The following PHACTR3 variants were observed in gnomAD, a reference collection of about 807,000 sequenced individuals.
PHACTR3 encodes the protein protein phosphatase 1, regulatory subunit 123.
Under a neutral mutation model 66.8 loss-of-function variants are expected in PHACTR3, and 16 were observed. That is an observed-to-expected ratio of 0.24 (90% CI 0.16 to 0.36). PHACTR3 has a LOEUF of 0.36. Among genes scored for constraint, PHACTR3 ranks in the 10% least tolerant of loss-of-function variants. The pLI is 1.00. For synonymous variants in PHACTR3, 323 were observed against 292.1 expected (o/e 1.11, Z -1.08); for missense variants, 647 against 719.9 (o/e 0.90, Z 1.16).
Position 59,592,637 on chromosome 20 carries a change from T to C in PHACTR3, c.109+15020T>C, listed in dbSNP as rs568615011. Among the ~76,000 whole-genome samples, 5 of 152,348 alleles carry C rather than the reference T, an allele frequency of 3.3e-5. No individual in the cohort carries two copies. The East Asian group carries it at 9.6e-4, about 29-fold the overall frequency. ...ACTGCCCTACAAATCCTCTGTGCTC[T>C]GCCTAGTCATTCCTCTCTTCCTTCT... is the stretch of plus-strand genomic sequence containing the variant. On this transcript the variant is annotated intron_variant, in intron 1 of 12. Transcript: ENST00000359926.
intron 7 of PHACTR3, among the ~76,000 whole-genome samples, chr20:59,789,800 C>A (rs548980416): frequency 3.3e-5 from 5 of 152,300 alleles, no homozygotes; most frequent in Non-Finnish European, 7.4e-5. Flanking sequence ...GGAATCCCTG[C>A]CACCCTCCTC....
chr20:59,645,486 C>T (rs531884035), intron 1 of PHACTR3, among the ~76,000 whole-genome samples: 2 of 152,260 alleles, frequency 1.3e-5, no homozygotes, highest in Non-Finnish European at 2.9e-5. Context: ...GTGTGTCCGC[C>T]CCACACTGCC....
chr20:59,578,220 C>A (rs949417124), intron 1 of PHACTR3, among the ~76,000 whole-genome samples: 3 of 152,196 alleles, frequency 2.0e-5, no homozygotes, highest in African/African-American at 7.2e-5. Context: ...GGCCAGGGCC[C>A]CAGCTGGGCC....
Position 59,767,176 on chromosome 20 carries a change from T to C in PHACTR3, c.542-10T>C. 6.2e-7 allele frequency: 1 copy of C among 1,614,196 alleles called. No homozygotes were observed. Among genetic ancestry groups the C allele is most frequent in the Non-Finnish European group, 8.5e-7 (1 of 1,180,008 alleles). Reference sequence around the variant, plus strand: ...CATGTTTTTAACTCTCTGCTTTGCCTTTGAACCAGCCAAGATGCCTTCTGC... The same window carrying C: ...CATGTTTTTAACTCTCTGCTTTGCCCTTGAACCAGCCAAGATGCCTTCTGC... On this transcript the variant is annotated splice_polypyrimidine_tract_variant and intron_variant, in intron 4 of 12. Transcript: ENST00000371015.
chr20:59,835,354 C>A (rs548022367), intron 8 of PHACTR3, among the ~76,000 whole-genome samples: 1 of 152,230 alleles, frequency 6.6e-6, no homozygotes, highest in South Asian at 2.1e-4. Context: ...GAAGACAAAG[C>A]CCCCAGGGGA....
chr20:59,642,765 C>T (rs778147783), intron 1 of PHACTR3, among the ~76,000 whole-genome samples: 17 of 152,098 alleles, frequency 1.1e-4, no homozygotes, highest in African/African-American at 1.9e-4. Context: ...AGCTGGAACC[C>T]GGGGCAGAAG....
chr20:59,825,263 TGGA>T lies in PHACTR3; in HGVS notation c.1329-11239_1329-11237del, dbSNP rs1412864995. 2.0e-5 allele frequency among the ~76,000 whole-genome samples: 3 copies of T among 152,312 alleles called. No individual in the cohort carries two copies. In the South Asian group the frequency reaches 6.2e-4, roughly 32 times the overall value. On this transcript the variant is annotated intron_variant, in intron 8 of 12. Transcript: ENST00000371015. ...GACTGTGGTGTCTCTTTCACAGGCTTGGAGGGTGGCTTGCCCAAGGTTGCCTTG... is the reference window on the plus strand; with the variant it reads ...GACTGTGGTGTCTCTTTCACAGGCTTGGGTGGCTTGCCCAAGGTTGCCTTG...
chr20:59,596,000 C>T lies in PHACTR3; in HGVS notation c.109+18383C>T, dbSNP rs4629218. Among the ~76,000 whole-genome samples the T allele has an allele frequency of 6.3e-3, 954 of 152,286 alleles. 12 individuals are homozygous for T. The highest frequency in any genetic ancestry group is 0.021 in the African/African-American group (891 of 41,546). ...CACCAAGTGAACACACCTCTGTAGG[C>T]AGAACGCAGTTCAAGAAGCAGAATA... On this transcript the variant is annotated intron_variant, in intron 1 of 12. Transcript: ENST00000359926.
intron 1 of PHACTR3, among the ~76,000 whole-genome samples, chr20:59,591,520 A>T (rs965245287): frequency 6.6e-6 from 1 of 152,170 alleles, no homozygotes; most frequent in African/African-American, 2.4e-5. Context: ...GAGGTGGACC[A>T]GGGACCGCTT....
At chr20:59,676,982 G>A (rs2036471537) in intron 1 of PHACTR3, among the ~76,000 whole-genome samples, 1 of 151,514 alleles carries the variant, frequency 6.6e-6, no homozygotes, top group African/African-American at 2.4e-5. Context: ...TCATTTTTAT[G>A]TATCAAGGGA....
intron 8 of PHACTR3, among the ~76,000 whole-genome samples, chr20:59,811,702 G>T (rs1052544514): frequency 1.3e-5 from 2 of 150,922 alleles, no homozygotes; most frequent in African/African-American, 4.9e-5. Flanking sequence ...GCATGGAGCA[G>T]TGGGGGGTTG....
chr20:59,715,576 C>T (rs1312498568), intron 1 of PHACTR3, among the ~76,000 whole-genome samples: 3 of 152,202 alleles, frequency 2.0e-5, no homozygotes, highest in Non-Finnish European at 2.9e-5. Flanking sequence ...ATAGGCCTGT[C>T]ATTTTCATTT....
chr20:59,678,300 T>C (rs978892961), intron 1 of PHACTR3, among the ~76,000 whole-genome samples: 2 of 152,166 alleles, frequency 1.3e-5, no homozygotes, highest in African/African-American at 4.8e-5. Flanking sequence ...GGGGTGACTG[T>C]TCATATCGTG....
intron 1 of PHACTR3, among the ~76,000 whole-genome samples, chr20:59,613,066 C>T (rs1466648733): frequency 1.3e-5 from 2 of 152,156 alleles, no homozygotes; most frequent in South Asian, 2.1e-4. Flanking sequence ...TCAAACACCT[C>T]CCACCCAGCC....
rs77124037 is a variant in PHACTR3, at chr20:59,787,589, G to A, written c.1174+13099G>A. Among the ~76,000 whole-genome samples, 623 of 152,264 alleles carry A rather than the reference G, an allele frequency of 4.1e-3. 2 individuals carry two copies. The highest frequency in any genetic ancestry group is 0.014 in the African/African-American group (594 of 41,548). Reference sequence around the variant, plus strand: ...GGCTGTTGTTCTGCCAACAACCGTGGCACACACAAAAACCCTCACAGCAGG... The same window carrying A: ...GGCTGTTGTTCTGCCAACAACCGTGACACACACAAAAACCCTCACAGCAGG... On this transcript the variant is annotated intron_variant, in intron 7 of 12. Coordinates refer to ENST00000371015, the MANE Select transcript of PHACTR3 (RefSeq NM_080672.5).
chr20:59,663,686 T>C (rs988765631), intron 1 of PHACTR3, among the ~76,000 whole-genome samples: 1 of 152,166 alleles, frequency 6.6e-6, no homozygotes, highest in East Asian at 1.9e-4. Flanking sequence ...GTTCCCTGGC[T>C]CTGGGGCCGG....
At chr20:59,615,772 C>A (rs1213520319) in intron 1 of PHACTR3, among the ~76,000 whole-genome samples, 1 of 152,212 alleles carries the variant, frequency 6.6e-6, no homozygotes, top group African/African-American at 2.4e-5. Flanking sequence ...GAAACCTTCA[C>A]TTATGCTGAT....
chr20:59,783,258 C>A (rs1000185783), intron 7 of PHACTR3, among the ~76,000 whole-genome samples: 12 of 152,158 alleles, frequency 7.9e-5, no homozygotes, highest in African/African-American at 2.9e-4. Flanking sequence ...GAGATGCTCG[C>A]TGGGATGCAG....
chr20:59,598,173 G>C (rs1164019355), intron 1 of PHACTR3, among the ~76,000 whole-genome samples: 1 of 152,176 alleles, frequency 6.6e-6, no homozygotes, highest in Non-Finnish European at 1.5e-5. Context: ...GTGTTTCTCT[G>C]CTCTGGGTTC....
Sources: allele counts gnomAD v4.1 joint callset (sites outside exome capture counted in the v4.1 genomes callset), GRCh38; gene constraint gnomAD v4.1.1; transcripts MANE v1.5; gene names NCBI Gene and HGNC (gene_info 2026-07-23, HGNC 2026-07-21).